Variants in TERB1 observed in about 807,000 individuals in gnomAD.
TERB1 encodes telomere repeat binding bouquet formation protein 1.
Under a neutral mutation model 92.3 loss-of-function variants are expected in TERB1, and 63 were observed. The ratio of observed to expected loss-of-function variants is 0.68; its 90% CI spans 0.56 to 0.84. The LOEUF (loss-of-function observed/expected upper bound fraction) is 0.84. Ranked by LOEUF, TERB1 falls within the 40% of genes least tolerant of loss-of-function variation. TERB1 has a pLI of 0.00. For missense variants in TERB1, 709 were observed against 843.7 expected, an observed-to-expected ratio of 0.84 and a Z score of 1.98; for synonymous variants, 252 against 283.9, an observed-to-expected ratio of 0.89 and a Z score of 1.13.
intron 16 of TERB1, among the ~76,000 whole-genome samples, chr16:66,764,374 G>T (rs1045112453): frequency 5.3e-5 from 8 of 152,140 alleles, no homozygotes; most frequent in African/African-American, 1.4e-4. Flanking sequence ...GGCAAAGTTT[G>T]AAATAACCAT....
At chr16:66,758,130 A>G (rs1480364043) in intron 18 of TERB1, among the ~76,000 whole-genome samples, 4 of 152,358 alleles carry the variant, frequency 2.6e-5, no homozygotes, top group African/African-American at 4.8e-5. Context: ...CCAAGTATTA[A>G]TAATTATGCC....
At position 66,759,232 on chromosome 16, in the gene TERB1, A is replaced by G. The variant is rs2018188203; in HGVS notation, c.1839T>C (p.Ser613=). Residue 613 remains serine, a synonymous_variant, in exon 17 of 19, where the codon TCT becomes TCC. Coordinates refer to ENST00000433154, the MANE Select transcript of TERB1 (RefSeq NM_001136505.2). ...TGTGACGATCACATTGGTATGGGCA[A>G]GAGTGCAAGAGCTTGCTAAAGTTTC... The part of the protein sequence containing the change: ...NSRNFSKLLH[S]CPYQCDRHKV... 1 of 1,549,674 alleles carries G rather than the reference A, an allele frequency of 6.5e-7. No homozygotes were observed. Among genetic ancestry groups the G allele is most frequent in the African/African-American group, 1.4e-5 (1 of 73,076 alleles).
Position 66,785,786 on chromosome 16 carries a change from T to A in TERB1, c.700A>T (p.Thr234Ser), listed in dbSNP as rs1010277172. 1 of 1,530,822 alleles carries A rather than the reference T, an allele frequency of 6.5e-7. No homozygotes were observed. The allele number at this position is 1,530,822 out of a possible 1,614,324, so 94.8% of individuals were successfully genotyped here. Residue 234 changes from threonine (T) to serine (S), a missense_variant and splice_region_variant, in exon 9 of 19, where the codon ACA becomes TCA. Thr to Ser is a moderately conservative substitution (Grantham distance 58). Coordinates refer to ENST00000433154, the MANE Select transcript of TERB1 (RefSeq NM_001136505.2). ...SFIGLTLANN[T>S]YVQKYFVSVG... ...GACCTAGAAAATAACGAACACTTAC[T>A]GTTATTTGCAAGAGTGAGTCCAATA...
chr16:66,786,934 C>A (rs1444244938), intron 6 of TERB1, among the ~76,000 whole-genome samples: 1 of 152,200 alleles, frequency 6.6e-6, no homozygotes, highest in Non-Finnish European at 1.5e-5. Context: ...AGACTTCCCC[C>A]TCTATTGATG....
intron 18 of TERB1, among the ~76,000 whole-genome samples, chr16:66,756,296 A>G (rs1212143742): frequency 6.6e-6 from 1 of 152,334 alleles, no homozygotes; most frequent in African/African-American, 2.4e-5. Context: ...TCTAAGAGCC[A>G]CAGTTCAGAC....
Position 66,767,414 on chromosome 16 carries a change from C to T in TERB1, c.1780+1G>A. The T allele has an allele frequency of 1.3e-6, 2 of 1,491,138 alleles. No individual in the cohort carries two copies. The highest frequency in any genetic ancestry group is 2.5e-5 in the East Asian group (1 of 39,662). The allele number at this position is 1,491,138 out of a possible 1,614,324, so 92.4% of individuals were successfully genotyped here. ...ACAACTGCAATTAAAAAAATACTTA[C>T]CTGAGCACCTATACGTCAACATTTC... is the stretch of plus-strand genomic sequence containing the variant. On this transcript the variant is annotated splice_donor_variant, in intron 16 of 18. Transcript: ENST00000433154. LOFTEE classifies it high-confidence loss of function.
At position 66,796,774 on chromosome 16, in the gene TERB1, TTTTC is replaced by T. The variant is rs1427412235; in HGVS notation, c.21_24del (p.Lys8HisfsTer4). On this transcript the variant is annotated frameshift_variant, in exon 3 of 19. Transcript: ENST00000433154. LOFTEE classifies it high-confidence loss of function. ...TGATCCATCAATTTCTCACCTTGTGTTTTCTTTGTGTCTTCACTTTCCATGCTTG... is the reference window on the plus strand; with the variant it reads ...TGATCCATCAATTTCTCACCTTGTGTTTTGTGTCTTCACTTTCCATGCTTG... 16 of 1,539,114 alleles carry T rather than the reference TTTTC, an allele frequency of 1.0e-5. No homozygotes were observed. Among genetic ancestry groups the T allele is most frequent in the African/African-American group, 1.4e-5 (1 of 72,774 alleles).
At chr16:66,792,511 T>A (rs997056662) in intron 3 of TERB1, among the ~76,000 whole-genome samples, 2 of 152,228 alleles carry the variant, frequency 1.3e-5, no homozygotes, top group Non-Finnish European at 2.9e-5. Context: ...TGATCTTCTA[T>A]ATAACTGGAT....
At chr16:66,788,814 A>G (rs1054424638) in intron 5 of TERB1, among the ~76,000 whole-genome samples, 2 of 152,104 alleles carry the variant, frequency 1.3e-5, no homozygotes, top group African/African-American at 4.8e-5. Flanking sequence ...TAATATAGAC[A>G]TAAAGATACA....
At chr16:66,763,414 C>A (rs1420358185) in intron 16 of TERB1, among the ~76,000 whole-genome samples, 1 of 152,086 alleles carries the variant, frequency 6.6e-6, no homozygotes, top group African/African-American at 2.4e-5. Flanking sequence ...CTAGTTGTGT[C>A]CTTTAAAATG....
chr16:66,774,150 G>A (rs1185711369), intron 12 of TERB1, among the ~76,000 whole-genome samples: 1 of 149,556 alleles, frequency 6.7e-6, no homozygotes, highest in African/African-American at 2.5e-5. Flanking sequence ...GAAAGTGCTG[G>A]GATTACAGGC....
rs912961336 is a variant in TERB1, at chr16:66,769,983, C to T, written c.1599G>A (p.Lys533=). ...TATACCTTGATTGAGAAACAAAATT[C>T]TTTTCAAAAGTAGTTTCTTCATGTA... ...QNLHEETTFE[K]NFVSQSSDHV... The change falls in exon 14 of 19, where the codon AAG becomes AAA. Residue 533 remains lysine, a synonymous_variant. Coordinates refer to ENST00000433154, the MANE Select transcript of TERB1 (RefSeq NM_001136505.2). 16 of 1,549,636 alleles carry T rather than the reference C, an allele frequency of 1.0e-5. No homozygotes were observed. Among genetic ancestry groups the T allele is most frequent in the Non-Finnish European group, 1.3e-5 (15 of 1,146,242 alleles).
chr16:66,787,174 T>C lies in TERB1; in HGVS notation c.401-889A>G, dbSNP rs1250903653. ...AGTACAGTGGCTTGATCACAGCTCA[T>C]TGCAGCCTCAACCTCCAGAGCTCAC... On this transcript the variant is annotated intron_variant, in intron 6 of 18. Coordinates refer to ENST00000433154, the MANE Select transcript of TERB1 (RefSeq NM_001136505.2). Among the ~76,000 whole-genome samples the C allele has an allele frequency of 2.6e-5, 4 of 152,148 alleles. No individual in the cohort carries two copies. In the East Asian group the frequency reaches 5.8e-4, roughly 22 times the overall value.
intron 11 of TERB1, among the ~76,000 whole-genome samples, chr16:66,776,432 A>G (rs865911912): frequency 1.3e-5 from 2 of 152,206 alleles, no homozygotes; most frequent in East Asian, 1.9e-4. Context: ...ATCATAACTC[A>G]TAAGAGTCAA....
At chr16:66,772,160 A>C (rs75228693) in intron 13 of TERB1, among the ~76,000 whole-genome samples, 8,840 of 152,166 alleles carry the variant, frequency 0.058, 509 homozygotes, top group African/African-American at 0.16. Context: ...GGGAAGAAAA[A>C]ATTTTTTACC....
Position 66,790,870 on chromosome 16 carries a change from A to T in TERB1, c.142+39T>A, listed in dbSNP as rs2018821549. 3 of 1,446,762 alleles carry T rather than the reference A, an allele frequency of 2.1e-6. No homozygotes were observed. In the Admixed American group the frequency reaches 6.2e-5, roughly 30 times the overall value. The allele number at this position is 1,446,762 out of a possible 1,614,324, so 89.6% of individuals were successfully genotyped here. On this transcript the variant is annotated intron_variant, in intron 4 of 18. Coordinates refer to ENST00000433154, the MANE Select transcript of TERB1 (RefSeq NM_001136505.2). Reference sequence around the variant, plus strand: ...TATTTGATATATCAGAGTACTAAAGAACTAGAATCACAGATAAAAATTCAC... The same window carrying T: ...TATTTGATATATCAGAGTACTAAAGTACTAGAATCACAGATAAAAATTCAC...
intron 16 of TERB1, among the ~76,000 whole-genome samples, chr16:66,763,716 G>A (rs2018290909): frequency 1.3e-5 from 2 of 152,048 alleles, no homozygotes; most frequent in Non-Finnish European, 2.9e-5. Context: ...TCCTGCACAC[G>A]TATCCCTGAA....
chr16:66,788,354 T>G, intron 5 of TERB1, 57 bp from the exon 6 acceptor site: 2 of 1,364,694 alleles, frequency 1.5e-6, no homozygotes, highest in Non-Finnish European at 1.9e-6. Flanking sequence ...TGCTTTAAAA[T>G]ATGCTGAACA....
intron 16 of TERB1, among the ~76,000 whole-genome samples, chr16:66,760,783 C>CAAAAAAAAAAAA (rs57817560): frequency 5.9e-5 from 4 of 67,240 alleles, no homozygotes; most frequent in Non-Finnish European, 1.1e-4. Flanking sequence ...GACTCCATCT[C>CAAAAAAAAAAAA]AAAAAAAAAA....
Sources: allele counts gnomAD v4.1 joint callset (sites outside exome capture counted in the v4.1 genomes callset), GRCh38; gene constraint gnomAD v4.1.1; transcripts MANE v1.5; gene names NCBI Gene and HGNC (gene_info 2026-07-23, HGNC 2026-07-21).